The following DOCK10 variants were observed in gnomAD, a reference collection of about 807,000 sequenced individuals.
DOCK10 encodes dedicator of cytokinesis protein 10.
In DOCK10, 145 loss-of-function variants were observed where a neutral mutation model predicts 280.1. The ratio of observed to expected loss-of-function variants is 0.52; its 90% CI spans 0.45 to 0.59. DOCK10 has a LOEUF of 0.59. Ranked by LOEUF, DOCK10 falls within the 20% of genes least tolerant of loss-of-function variation. The probability of loss-of-function intolerance (pLI) is 0.00; values close to 1 mark genes in which losing one functional copy is unlikely to be tolerated. For synonymous variants in DOCK10, 915 were observed against 942.2 expected (o/e 0.97, Z 0.53); for missense variants, 2,368 against 2,651.7 (o/e 0.89, Z 2.35).
In DOCK10 at chr2:225,042,285, G is replaced by A. The variant is rs746364263; in HGVS notation, c.90C>T (p.Ala30=). The A allele has an allele frequency of 1.3e-5, 17 of 1,341,334 alleles. No homozygotes were observed. The highest frequency in any genetic ancestry group is 6.2e-5 in the East Asian group (2 of 32,022). The allele number at this position is 1,341,334 out of a possible 1,614,324, so 83.1% of individuals were successfully genotyped here. ...GCTGCCGGCTGCTGACTGCCACCGC[G>A]GCGGCGGACGCGGCGCTGTGCCGGA... ...AELRHSAASA[A]AVAVSSRQQQ... Residue 30 remains alanine, a synonymous_variant, in exon 1 of 56, where the codon GCC becomes GCT. Coordinates refer to ENST00000258390, the MANE Select transcript of DOCK10 (RefSeq NM_014689.3). The surrounding 1 kb of genome is among the most constrained non-coding windows in gnomAD (Gnocchi z 5.1).
intron 1 of DOCK10, among the ~76,000 whole-genome samples, chr2:225,002,353 T>C (rs1404632502): frequency 1.3e-5 from 2 of 152,190 alleles, no homozygotes; most frequent in Non-Finnish European, 2.9e-5. Flanking sequence ...ATTTGTAGTA[T>C]CATTTCTTCA....
At chr2:224,810,895 T>C (rs968272371) in intron 31 of DOCK10, among the ~76,000 whole-genome samples, 1 of 152,094 alleles carries the variant, frequency 6.6e-6, no homozygotes, top group Non-Finnish European at 1.5e-5. Context: ...TGTTGGACAT[T>C]TGGGTTGGCT....
chr2:224,852,253 A>G, intron 18 of DOCK10, 124 bp downstream of exon 18: 1 of 713,346 alleles, frequency 1.4e-6, no homozygotes, highest in Non-Finnish European at 2.4e-6. Context: ...TTTCAGATCT[A>G]AAACAAATGT....
intron 41 of DOCK10, among the ~76,000 whole-genome samples, chr2:224,799,462 C>A (rs1277026002): frequency 6.6e-6 from 1 of 152,198 alleles, no homozygotes; most frequent in Non-Finnish European, 1.5e-5. Flanking sequence ...TAAAATAAAG[C>A]TGTCATGCAT....
chr2:224,953,372 A>T (rs1346126872), intron 1 of DOCK10, among the ~76,000 whole-genome samples: 1 of 152,160 alleles, frequency 6.6e-6, no homozygotes, highest in Non-Finnish European at 1.5e-5. Context: ...TTTCTGTCAT[A>T]GGAAAAACAA....
chr2:224,971,864 A>C (rs1705105402), intron 1 of DOCK10, among the ~76,000 whole-genome samples: 1 of 152,202 alleles, frequency 6.6e-6, no homozygotes, highest in Non-Finnish European at 1.5e-5. Context: ...TTTGGCGTGA[A>C]AAAAACTATG....
chr2:224,910,446 G>A (rs543844331), intron 3 of DOCK10, among the ~76,000 whole-genome samples: 8 of 152,176 alleles, frequency 5.3e-5, no homozygotes, highest in Non-Finnish European at 7.3e-5. Context: ...GCCCAGGGAC[G>A]GAGCTGGTGG....
At chr2:224,807,806 A>G (rs1256077335) in intron 32 of DOCK10, 22 bp from the exon 33 acceptor site, 1 of 1,563,436 alleles carries the variant, frequency 6.4e-7, no homozygotes, top group Non-Finnish European at 8.7e-7. Context: ...GGTAGCCAAA[A>G]GAAATGATTC....
intron 4 of DOCK10, among the ~76,000 whole-genome samples, chr2:224,893,028 C>A (rs1388177788): frequency 6.6e-6 from 1 of 152,190 alleles, no homozygotes; most frequent in East Asian, 1.9e-4. Flanking sequence ...AAGGGCTCAT[C>A]CCAGACCTTA....
At chr2:224,951,084 T>A (rs1251279211) in intron 1 of DOCK10, among the ~76,000 whole-genome samples, 5 of 152,212 alleles carry the variant, frequency 3.3e-5, no homozygotes, top group African/African-American at 1.2e-4. Flanking sequence ...GATCTAGACA[T>A]ACTTGTGCTT....
chr2:224,935,420 C>G (rs1375523117), intron 1 of DOCK10, among the ~76,000 whole-genome samples: 1 of 152,160 alleles, frequency 6.6e-6, no homozygotes, highest in Non-Finnish European at 1.5e-5. Flanking sequence ...GACTACCCAG[C>G]CTTATTTTGG....
intron 2 of DOCK10, among the ~76,000 whole-genome samples, chr2:224,928,222 T>C (rs1702141722): frequency 6.6e-6 from 1 of 152,120 alleles, no homozygotes; most frequent in African/African-American, 2.4e-5. Context: ...CAAAAATGCA[T>C]GCAGTTGTAC....
chr2:224,917,356 C>T (rs931887762), intron 2 of DOCK10, among the ~76,000 whole-genome samples: 2 of 152,188 alleles, frequency 1.3e-5, no homozygotes, highest in African/African-American at 2.4e-5. Context: ...ATCCACCCGC[C>T]TCGGCCTCCC....
chr2:224,857,484 G>A (rs920684134), intron 14 of DOCK10, among the ~76,000 whole-genome samples: 6 of 152,160 alleles, frequency 3.9e-5, no homozygotes, highest in Non-Finnish European at 7.3e-5. Context: ...TAACTTTTAG[G>A]ACAGAGACAA....
intron 1 of DOCK10, among the ~76,000 whole-genome samples, chr2:224,961,436 T>TTCTTTCTTTCTTTCTTTCTTTCTTTC (rs1575119764): frequency 7.8e-6 from 1 of 128,742 alleles, no homozygotes; most frequent in East Asian, 2.5e-4. Flanking sequence ...CTTTCTTTCT[T>TTCTTTCTTTCTTTCTTTCTTTCTTTC]TCTTTCTTTC....
At chr2:224,813,433 T>C (rs1200594758) in intron 31 of DOCK10, among the ~76,000 whole-genome samples, 1 of 152,190 alleles carries the variant, frequency 6.6e-6, no homozygotes, top group Non-Finnish European at 1.5e-5. Flanking sequence ...TGGCCTCAAG[T>C]GATCTGCCTG....
chr2:224,833,075 G>C (rs1695339079), intron 26 of DOCK10, among the ~76,000 whole-genome samples: 1 of 152,252 alleles, frequency 6.6e-6, no homozygotes, highest in South Asian at 2.1e-4. Context: ...ACTCTCCCCA[G>C]AGGATCCTGC....
intron 20 of DOCK10, 45 bp from the exon 21 acceptor site, chr2:224,845,369 A>G (rs1696269859): frequency 1.3e-6 from 2 of 1,568,900 alleles, no homozygotes; most frequent in Non-Finnish European, 1.7e-6. Flanking sequence ...ACAAACCTCC[A>G]TGGTAAGAAG....
At chr2:224,996,424 GACTTA>G (rs1262474472) in intron 1 of DOCK10, among the ~76,000 whole-genome samples, 1 of 152,224 alleles carries the variant, frequency 6.6e-6, no homozygotes, top group Non-Finnish European at 1.5e-5. Flanking sequence ...ATGGAGAAGA[GACTTA>G]ACTTCTCTGC....
Sources: allele counts gnomAD v4.1 joint callset (sites outside exome capture counted in the v4.1 genomes callset), GRCh38; gene constraint gnomAD v4.1.1; non-coding constraint Gnocchi (gnomAD v3.1); transcripts MANE v1.5; gene names NCBI Gene and HGNC (gene_info 2026-07-23, HGNC 2026-07-21).